MICAL2: variants seen among roughly 807,000 people sequenced by gnomAD.
MICAL2 encodes [F-actin]-monooxygenase MICAL2.
Under a neutral mutation model 127.3 loss-of-function variants are expected in MICAL2, and 77 were observed. That is an observed-to-expected ratio of 0.60 (90% confidence interval 0.50 to 0.73). The LOEUF (loss-of-function observed/expected upper bound fraction) is 0.73. MICAL2 is among the 30% of genes least tolerant of loss of function. MICAL2 has a pLI of 0.00. For synonymous variants in MICAL2, 570 were observed against 551.1 expected, an observed-to-expected ratio of 1.03 and a Z score of -0.48; for missense variants, 1,351 against 1,434.4, an observed-to-expected ratio of 0.94 and a Z score of 0.94.
intron 26 of MICAL2, chr11:12,262,063 A>G (rs1565279198): frequency 9.3e-7 from 1 of 1,072,830 alleles, no homozygotes; most frequent in East Asian, 7.6e-5. Context: ...CTGTGGCGAG[A>G]CAGGGCGTGC....
chr11:12,300,577 A>C (rs1363226366), intron 29 of MICAL2, among the ~76,000 whole-genome samples: 1 of 152,168 alleles, frequency 6.6e-6, no homozygotes, highest in African/African-American at 2.4e-5. Context: ...GGGAGGGCCC[A>C]TGAACAAGAG....
chr11:12,135,339 C>A (rs1851750292), intron 1 of MICAL2, among the ~76,000 whole-genome samples: 1 of 152,140 alleles, frequency 6.6e-6, no homozygotes, highest in South Asian at 2.1e-4. Flanking sequence ...ATTTTACATA[C>A]CAGGAAACTG....
At chr11:12,322,281 G>A (rs750616155) in intron 30 of MICAL2, among the ~76,000 whole-genome samples, 4 of 152,102 alleles carry the variant, frequency 2.6e-5, no homozygotes, top group Non-Finnish European at 5.9e-5. Flanking sequence ...CTGGATGACA[G>A]TTACCATTGA....
intron 1 of MICAL2, among the ~76,000 whole-genome samples, chr11:12,118,559 G>C (rs1184107057): frequency 6.6e-6 from 1 of 152,146 alleles, no homozygotes. Context: ...ACTCTACTTT[G>C]CCAGCTCTCT....
chr11:12,168,040 G>C (rs1043764909), intron 3 of MICAL2, among the ~76,000 whole-genome samples: 4 of 151,846 alleles, frequency 2.6e-5, no homozygotes, highest in Non-Finnish European at 4.4e-5. Flanking sequence ...GATGGTTCAC[G>C]CCTGTAACCC....
chr11:12,244,139 C>G, intron 21 of MICAL2, 27 bp downstream of exon 21: 1 of 1,613,804 alleles, frequency 6.2e-7, no homozygotes, highest in Non-Finnish European at 8.5e-7. Context: ...ATTTGCTTTC[C>G]CTATTCCCTG....
Position 12,262,527 on chromosome 11 carries a change from T to C in MICAL2, c.*7T>C, listed in dbSNP as rs910069357. ...ACACCCACTTCTTGGCTGACACACT[T>C]CTGCTCTAAGGTGACTGGTTTTCTT... On this transcript the variant is annotated 3_prime_UTR_variant, in exon 27 of 28. Coordinates refer to ENST00000683283, the MANE Select transcript of MICAL2 (RefSeq NM_001282663.2). 3.7e-6 allele frequency: 6 copies of C among 1,613,056 alleles called. No homozygotes were observed. In the Admixed American group the frequency reaches 1.0e-4, roughly 27 times the overall value.
At chr11:12,239,008 A>G (rs1310549543) in intron 16 of MICAL2, among the ~76,000 whole-genome samples, 2 of 152,044 alleles carry the variant, frequency 1.3e-5, no homozygotes, top group Admixed American at 6.5e-5. Context: ...TTGGCCCCCA[A>G]CCCCTGCTCT....
intron 3 of MICAL2, among the ~76,000 whole-genome samples, chr11:12,174,365 C>A (rs1311430791): frequency 6.7e-6 from 1 of 150,324 alleles, no homozygotes; most frequent in Non-Finnish European, 1.5e-5. Context: ...CCACCCCCAC[C>A]CCCAGCCCCT....
At chr11:12,159,696 G>T (rs574799553) in intron 2 of MICAL2, among the ~76,000 whole-genome samples, 1 of 152,214 alleles carries the variant, frequency 6.6e-6, no homozygotes, top group Non-Finnish European at 1.5e-5. Context: ...TTTGTTCAAT[G>T]CTGGGCACAG....
intron 4 of MICAL2, among the ~76,000 whole-genome samples, chr11:12,205,129 G>T (rs1226714626): frequency 6.6e-6 from 1 of 152,170 alleles, no homozygotes. Flanking sequence ...GGAAAATAGA[G>T]AATGTGGACT....
At chr11:12,242,145 A>T in intron 18 of MICAL2, 69 bp from the exon 19 acceptor site, 1 of 1,283,028 alleles carries the variant, frequency 7.8e-7, no homozygotes. Context: ...TTCATGGGGG[A>T]TCCCTCATGG....
chr11:12,153,830 T>A (rs1222331542), intron 2 of MICAL2, among the ~76,000 whole-genome samples: 1 of 152,212 alleles, frequency 6.6e-6, no homozygotes, highest in East Asian at 1.9e-4. Context: ...GATTCAGAGT[T>A]CACAGTTTTC....
At chr11:12,168,145 T>TACACACACACACACACACACAC (rs3044619) in intron 3 of MICAL2, among the ~76,000 whole-genome samples, 3 of 146,158 alleles carry the variant, frequency 2.1e-5, no homozygotes, top group African/African-American at 7.6e-5. Flanking sequence ...CTACAGCAAA[T>TACACACACACACACACACACAC]ACACACACAC....
chr11:12,126,939 C>T (rs1009801101), intron 1 of MICAL2, among the ~76,000 whole-genome samples: 2 of 151,974 alleles, frequency 1.3e-5, no homozygotes, highest in African/African-American at 4.8e-5. Flanking sequence ...AGTTGCAGTG[C>T]AGATGGATAA....
chr11:12,293,340 C>G (rs1863928205), downstream of MICAL2, among the ~76,000 whole-genome samples: 1 of 152,140 alleles, frequency 6.6e-6, no homozygotes, highest in African/African-American at 2.4e-5. Context: ...TTCGTCAGTA[C>G]TGATTCGGGG....
chr11:12,328,371 G>A (rs1194000580), intron 32 of MICAL2, among the ~76,000 whole-genome samples: 2 of 152,174 alleles, frequency 1.3e-5, no homozygotes, highest in Non-Finnish European at 2.9e-5. Flanking sequence ...TGGGGCGAGG[G>A]AAGCCATCAA....
At chr11:12,120,103 T>C (rs770414175) in intron 1 of MICAL2, among the ~76,000 whole-genome samples, 11 of 152,234 alleles carry the variant, frequency 7.2e-5, no homozygotes, top group Non-Finnish European at 1.3e-4. Context: ...CTTGTAGCAC[T>C]GGCTGGTCTC....
intron 26 of MICAL2, chr11:12,261,669 G>A (rs1863129728): frequency 2.0e-6 from 2 of 985,334 alleles, no homozygotes; most frequent in Admixed American, 6.1e-5. Flanking sequence ...GCTTTGAGAT[G>A]ACAGTTTCTA....
Sources: gnomAD v4.1 joint callset for allele counts (sites outside exome capture counted in the v4.1 genomes callset) on GRCh38, gnomAD v4.1.1 for gene constraint, MANE v1.5 for transcripts, NCBI Gene and HGNC (gene_info 2026-07-23, HGNC 2026-07-21) for gene names.